Variants in DYNC2I1 observed in about 807,000 individuals in gnomAD.
DYNC2I1 encodes cytoplasmic dynein 2 intermediate chain 1.
In DYNC2I1, 89 loss-of-function variants were observed where a neutral mutation model predicts 133.4. The ratio of observed to expected loss-of-function variants is 0.67; its 90% CI spans 0.56 to 0.80. DYNC2I1 has a LOEUF of 0.80. DYNC2I1 is among the 30% of genes least tolerant of loss of function. The pLI is 0.00. For missense variants in DYNC2I1, 1,291 were observed against 1,314.5 expected, an observed-to-expected ratio of 0.98 and a Z score of 0.28; for synonymous variants, 504 against 484.3, an observed-to-expected ratio of 1.04 and a Z score of -0.54.
chr7:158,879,190 A>C (rs747023001), intron 4 of DYNC2I1, among the ~76,000 whole-genome samples: 3 of 152,130 alleles, frequency 2.0e-5, no homozygotes, highest in Non-Finnish European at 4.4e-5. Context: ...TTTTCCTTAC[A>C]CAAGGGTAAC....
At chr7:158,891,965 C>T (rs1227449096) in intron 8 of DYNC2I1, among the ~76,000 whole-genome samples, 3 of 151,738 alleles carry the variant, frequency 2.0e-5, no homozygotes, top group South Asian at 2.1e-4. Context: ...GGACCTGGAG[C>T]GGAGCTTGAT....
intron 1 of DYNC2I1, among the ~76,000 whole-genome samples, 153 bp downstream of exon 1, chr7:158,856,903 G>T (rs1212957197): frequency 1.3e-5 from 2 of 152,048 alleles, no homozygotes. Flanking sequence ...TCCGAGGCAG[G>T]AAGGGAAACG....
chr7:158,849,256 G>A, the DYNC2I1 span, among the ~76,000 whole-genome samples: 2 of 152,150 alleles, frequency 1.3e-5, no homozygotes, highest in Non-Finnish European at 2.9e-5. Flanking sequence ...GTTTAAATAA[G>A]TTTTATGAAA....
At chr7:158,878,424 T>A (rs367736962) in intron 4 of DYNC2I1, among the ~76,000 whole-genome samples, 2 of 123,338 alleles carry the variant, frequency 1.6e-5, no homozygotes, top group Non-Finnish European at 3.3e-5. Flanking sequence ...GAGGGCCGAC[T>A]GTGAGTGCCG....
chr7:158,948,093 G>A (rs538947667), downstream of DYNC2I1, among the ~76,000 whole-genome samples: 6 of 152,344 alleles, frequency 3.9e-5, no homozygotes, highest in South Asian at 6.2e-4. Flanking sequence ...TGGCGCTAGC[G>A]ATGCCTCCGG....
At chr7:158,912,877 T>C (rs2129484888) in intron 12 of DYNC2I1, 108 bp from the exon 13 acceptor site, 1 of 758,088 alleles carries the variant, frequency 1.3e-6, no homozygotes, top group Non-Finnish European at 2.1e-6. Context: ...TTGTTCTTTA[T>C]GCTTTGATAC....
At chr7:158,908,619 A>G (rs1490464036) in intron 11 of DYNC2I1, among the ~76,000 whole-genome samples, 9 of 152,232 alleles carry the variant, frequency 5.9e-5, no homozygotes. Flanking sequence ...TAATTTGGGT[A>G]TTAAACAGAA....
intron 3 of DYNC2I1, among the ~76,000 whole-genome samples, chr7:158,872,174 T>C (rs886667083): frequency 1.3e-5 from 2 of 151,704 alleles, no homozygotes; most frequent in East Asian, 2.0e-4. Context: ...AAATTAGCTG[T>C]GTGTGGTGGC....
At chr7:158,888,803 A>G (rs536600225) in intron 7 of DYNC2I1, among the ~76,000 whole-genome samples, 39 of 152,254 alleles carry the variant, frequency 2.6e-4, no homozygotes, top group African/African-American at 8.4e-4. Context: ...GCTTTATTCT[A>G]TGTCCGTACA....
intron 16 of DYNC2I1, 53 bp downstream of exon 16, chr7:158,922,602 G>A: frequency 6.4e-7 from 1 of 1,556,428 alleles, no homozygotes; most frequent in Non-Finnish European, 8.8e-7. Flanking sequence ...GCAGTGGACA[G>A]AGCGTGAAGG....
At chr7:158,861,368 T>G (rs770800818) in intron 1 of DYNC2I1, among the ~76,000 whole-genome samples, 55 of 152,184 alleles carry the variant, frequency 3.6e-4, no homozygotes, top group Non-Finnish European at 6.9e-4. Context: ...TTGTAATTTT[T>G]CACTTGAGCT....
chr7:158,841,826 T>G, the DYNC2I1 span, among the ~76,000 whole-genome samples: 2 of 152,012 alleles, frequency 1.3e-5, no homozygotes, highest in Non-Finnish European at 2.9e-5. Context: ...GCCGCAGAAG[T>G]GAGGTTGACG....
chr7:158,924,622 A>G (rs570052498), intron 17 of DYNC2I1, among the ~76,000 whole-genome samples: 1 of 152,362 alleles, frequency 6.6e-6, no homozygotes, highest in Non-Finnish European at 1.5e-5. Context: ...TTTAAAAGAT[A>G]TCTTTTAAAT....
chr7:158,927,482 G>A (rs1849742055), intron 20 of DYNC2I1, among the ~76,000 whole-genome samples: 1 of 151,174 alleles, frequency 6.6e-6, no homozygotes, highest in Admixed American at 6.6e-5. Flanking sequence ...AATTAAAGGT[G>A]TATGTCATAT....
chr7:158,886,321 A>T (rs1212557522), intron 6 of DYNC2I1, among the ~76,000 whole-genome samples: 1 of 151,840 alleles, frequency 6.6e-6, no homozygotes, highest in South Asian at 2.1e-4. Flanking sequence ...TTTAGTAGAG[A>T]TGGGGTTTCT....
intron 10 of DYNC2I1, chr7:158,903,711 G>A (rs1365837787): frequency 6.6e-6 from 1 of 152,226 alleles, no homozygotes; most frequent in Non-Finnish European, 1.5e-5. Flanking sequence ...CTGCACACAG[G>A]GAGGGTCTTT....
intron 3 of DYNC2I1, among the ~76,000 whole-genome samples, chr7:158,873,075 C>T (rs1261604461): frequency 6.6e-6 from 1 of 151,882 alleles, no homozygotes; most frequent in Non-Finnish European, 1.5e-5. Flanking sequence ...GAATCCTCAT[C>T]GTAAATAAAC....
At chr7:158,944,181 G>C (rs1435215698) in intron 24 of DYNC2I1, among the ~76,000 whole-genome samples, 2 of 152,168 alleles carry the variant, frequency 1.3e-5, no homozygotes, top group Non-Finnish European at 2.9e-5. Flanking sequence ...GGTTGGCTGT[G>C]GGGAACAGGC....
intron 5 of DYNC2I1, 130 bp downstream of exon 5, chr7:158,880,119 C>G: frequency 3.0e-6 from 3 of 995,936 alleles, no homozygotes; most frequent in Non-Finnish European, 4.4e-6. Context: ...AGGAAAAACG[C>G]AACTCAAGTC....
Sources: allele counts gnomAD v4.1 joint callset (sites outside exome capture counted in the v4.1 genomes callset), GRCh38; gene constraint gnomAD v4.1.1; transcripts MANE v1.5; gene names NCBI Gene and HGNC (gene_info 2026-07-23, HGNC 2026-07-21).